Variants in ERG observed in about 807,000 individuals in gnomAD.
The protein encoded by ERG is transcriptional regulator ERG.
Under a neutral mutation model 55.3 loss-of-function variants are expected in ERG, and 9 were observed. The observed-to-expected ratio is 0.16, with a 90% CI of 0.10 to 0.28. The LOEUF (loss-of-function observed/expected upper bound fraction) is 0.28, where lower values mean the gene tolerates loss of function less well. Among genes scored for constraint, ERG ranks in the 10% least tolerant of loss-of-function variants. The pLI is 1.00. For synonymous variants in ERG, 223 were observed against 237.3 expected (o/e 0.94, Z 0.55); for missense variants, 434 against 631.6 (o/e 0.69, Z 3.35).
chr21:38,594,724 G>A (rs981868046), intron 1 of ERG, among the ~76,000 whole-genome samples: 24 of 152,284 alleles, frequency 1.6e-4, no homozygotes, highest in African/African-American at 4.6e-4. Flanking sequence ...TTATATGGAC[G>A]TCAGAGAGGA....
intron 2 of ERG, among the ~76,000 whole-genome samples, chr21:38,538,554 G>A (rs1189941100): frequency 4.6e-5 from 7 of 152,070 alleles, no homozygotes. Flanking sequence ...ATTGTCAGGG[G>A]AAATTCCAGG....
chr21:38,476,751 G>T (rs1265143112), intron 1 of ERG, among the ~76,000 whole-genome samples: 1 of 152,046 alleles, frequency 6.6e-6, no homozygotes, highest in East Asian at 1.9e-4. Context: ...CCACGTAAAC[G>T]GCCTCTTTCT....
intron 2 of ERG, among the ~76,000 whole-genome samples, chr21:38,540,309 C>T (rs2059743438): frequency 6.6e-6 from 1 of 152,054 alleles, no homozygotes; most frequent in Non-Finnish European, 1.5e-5. Context: ...CAATGTTGTC[C>T]AACCAACACC....
chr21:38,375,461 CAA>C (rs1267015682), downstream of ERG, among the ~76,000 whole-genome samples: 1 of 152,190 alleles, frequency 6.6e-6, no homozygotes, highest in African/African-American at 2.4e-5. Flanking sequence ...ATTGTGACAT[CAA>C]AGATTCTTAG....
At chr21:38,410,243 T>C (rs1246499533) in intron 3 of ERG, among the ~76,000 whole-genome samples, 1 of 152,264 alleles carries the variant, frequency 6.6e-6, no homozygotes, top group Admixed American at 6.5e-5. Context: ...TATAATTTTA[T>C]TTTAAGAAAC....
At chr21:38,522,314 T>C (rs2059600798) in intron 2 of ERG, among the ~76,000 whole-genome samples, 1 of 152,198 alleles carries the variant, frequency 6.6e-6, no homozygotes, top group Admixed American at 6.5e-5. Flanking sequence ...ATGGTCTTTA[T>C]AAAATATGCA....
At chr21:38,574,365 T>C (rs1162314161) in intron 2 of ERG, among the ~76,000 whole-genome samples, 3 of 152,138 alleles carry the variant, frequency 2.0e-5, no homozygotes, top group Non-Finnish European at 4.4e-5. Context: ...CAACAAAACA[T>C]CACACAGAAA....
intron 3 of ERG, among the ~76,000 whole-genome samples, chr21:38,405,919 G>A (rs1397986565): frequency 4.6e-5 from 7 of 152,178 alleles, no homozygotes; most frequent in Non-Finnish European, 7.4e-5. Context: ...TTGGGAGGCC[G>A]AGGCGGGTGG....
At chr21:38,418,052 T>C (rs1989360395) in intron 3 of ERG, among the ~76,000 whole-genome samples, 1 of 152,188 alleles carries the variant, frequency 6.6e-6, no homozygotes, top group African/African-American at 2.4e-5. Context: ...AATGTGATAC[T>C]GTTAATCATT....
At chr21:38,570,825 C>T (rs1042944138) in intron 2 of ERG, among the ~76,000 whole-genome samples, 5 of 152,158 alleles carry the variant, frequency 3.3e-5, no homozygotes, top group East Asian at 1.9e-4. Context: ...CTGGCGACCA[C>T]GGAGCAGAAC....
In ERG at chr21:38,429,492, T is replaced by C. The variant is rs1206864347; in HGVS notation, c.237-5931A>G. 1.4e-4 allele frequency among the ~76,000 whole-genome samples: 18 copies of C among 131,510 alleles called. 8 individuals carry two copies. Among genetic ancestry groups the C allele is most frequent in the Admixed American group, 9.9e-4 (13 of 13,190 alleles). 86.3% of individuals were successfully genotyped at this position (131,510 alleles called of 152,430 possible). A position where few individuals can be genotyped will look rare whatever the true frequency, so the allele number is the denominator to read the frequency against. On this transcript the variant is annotated intron_variant, in intron 2 of 9. Transcript: ENST00000288319. ...ATATGTGTATATACATGTATGCACA[T>C]GTACATATATACATATGTGTATATA...
intron 4 of ERG, 75 bp from the exon 5 acceptor site, chr21:38,402,712 CA>C (rs759434219): frequency 0.24 from 39,314 of 163,686 alleles, 1,737 homozygotes; most frequent in African/African-American, 0.3. Flanking sequence ...ACCTTTCTTA[CA>C]AAAAAAAAAA....
intron 2 of ERG, among the ~76,000 whole-genome samples, chr21:38,545,964 C>T (rs1044764603): frequency 2.0e-5 from 3 of 152,204 alleles, no homozygotes; most frequent in Non-Finnish European, 4.4e-5. Flanking sequence ...CAACTCCATC[C>T]TTCTCCATGA....
chr21:38,513,373 T>G (rs1304221487), intron 2 of ERG, among the ~76,000 whole-genome samples: 3 of 151,944 alleles, frequency 2.0e-5, no homozygotes, highest in Middle Eastern at 3.2e-3. Context: ...TAGGGGAAAT[T>G]GGGTAAAGGA....
At chr21:38,479,766 A>G (rs1489112916) in intron 1 of ERG, among the ~76,000 whole-genome samples, 1 of 152,150 alleles carries the variant, frequency 6.6e-6, no homozygotes, top group African/African-American at 2.4e-5. Flanking sequence ...CTTACTATCC[A>G]CTGTGGTCAT....
chr21:38,440,326 G>A (rs73439007), intron 2 of ERG, among the ~76,000 whole-genome samples: 1 of 152,170 alleles, frequency 6.6e-6, no homozygotes, highest in Non-Finnish European at 1.5e-5. Context: ...TCCTCCAGAG[G>A]CAGGCAGCCA....
At chr21:38,600,789 T>G (rs898699492) in intron 1 of ERG, among the ~76,000 whole-genome samples, 21 of 152,242 alleles carry the variant, frequency 1.4e-4, no homozygotes, top group African/African-American at 4.8e-4. Flanking sequence ...CTTTATGTTT[T>G]TTTTGGACAA....
In ERG at chr21:38,383,693, T is replaced by C; in HGVS notation, c.1150A>G (p.Lys384Glu). The change falls in exon 10 of 10, where the codon AAG (lysine) becomes GAG (glutamate). Residue 384 changes from lysine to glutamate, a missense_variant. Coordinates refer to ENST00000288319, the MANE Select transcript of ERG (RefSeq NM_182918.4). This position sits in a 1 kb window ranked among gnomAD's most constrained non-coding sequence, Gnocchi z 5.7. ...AAGTCGAACTTGTAGGCGTAGCGCTTCCCATGGACCTTGGTCATGATGTTC... is the reference window on the plus strand; with the variant it reads ...AAGTCGAACTTGTAGGCGTAGCGCTCCCCATGGACCTTGGTCATGATGTTC... ...DKNIMTKVHG[K>E]RYAYKFDFHG... The C allele has an allele frequency of 1.2e-6, 2 of 1,614,144 alleles. No individual in the cohort carries two copies. Among genetic ancestry groups the C allele is most frequent in the Non-Finnish European group, 1.7e-6 (2 of 1,180,026 alleles).
chr21:38,508,664 T>C (rs1298152388), intron 2 of ERG, among the ~76,000 whole-genome samples: 2 of 152,240 alleles, frequency 1.3e-5, no homozygotes, highest in Non-Finnish European at 2.9e-5. Flanking sequence ...GGTATATTGA[T>C]TGCATTTCTA....
Sources: gnomAD v4.1 joint callset for allele counts (sites outside exome capture counted in the v4.1 genomes callset) on GRCh38, gnomAD v4.1.1 for gene constraint, Gnocchi (gnomAD v3.1) non-coding constraint, MANE v1.5 for transcripts, NCBI Gene and HGNC (gene_info 2026-07-23, HGNC 2026-07-21) for gene names.